Variants in CTNNA3 observed in about 807,000 individuals in gnomAD.
The protein encoded by CTNNA3 is catenin alpha-3.
A neutral mutation model predicts 95.7 loss-of-function variants in CTNNA3; 76 were observed. That is an observed-to-expected ratio of 0.79 (90% confidence interval 0.66 to 0.96). CTNNA3 has a LOEUF of 0.96. Ranked by LOEUF, CTNNA3 falls within the 40% of genes least tolerant of loss-of-function variation. CTNNA3 has a pLI of 0.00. For synonymous variants in CTNNA3, 431 were observed against 374.4 expected, an observed-to-expected ratio of 1.15 and a Z score of -1.74; for missense variants, 1,191 against 1,089.8, an observed-to-expected ratio of 1.09 and a Z score of -1.31.
upstream of CTNNA3, among the ~76,000 whole-genome samples, chr10:67,697,758 T>A (rs1002256466): frequency 6.6e-6 from 1 of 151,080 alleles, no homozygotes; most frequent in African/African-American, 2.4e-5. Flanking sequence ...GGTTTTTTTT[T>A]AATTCCTTCA....
At chr10:66,576,412 T>A (rs1843004018) in intron 10 of CTNNA3, among the ~76,000 whole-genome samples, 1 of 152,024 alleles carries the variant, frequency 6.6e-6, no homozygotes, top group African/African-American at 2.4e-5. Flanking sequence ...GCTTGATGTA[T>A]GAATGAGCCC....
chr10:66,248,081 A>G, intron 13 of CTNNA3, among the ~76,000 whole-genome samples: 1 of 152,182 alleles, frequency 6.6e-6, no homozygotes, highest in Non-Finnish European at 1.5e-5. Context: ...ATACATAAAA[A>G]CATAAAAAGT....
chr10:66,735,929 T>C (rs1220872094), intron 9 of CTNNA3, among the ~76,000 whole-genome samples: 1 of 152,178 alleles, frequency 6.6e-6, no homozygotes, highest in Non-Finnish European at 1.5e-5. Flanking sequence ...GAGCATTCCA[T>C]GTGTCCCTCT....
intron 5 of CTNNA3, among the ~76,000 whole-genome samples, chr10:67,371,598 T>A (rs1843468451): frequency 6.6e-6 from 1 of 152,204 alleles, no homozygotes; most frequent in African/African-American, 2.4e-5. Context: ...ATGGTGTATA[T>A]GTGCCACATT....
chr10:67,749,598 G>C (rs1564845970), intron 1 of CTNNA3, among the ~76,000 whole-genome samples: 1 of 152,172 alleles, frequency 6.6e-6, no homozygotes, highest in Non-Finnish European at 1.5e-5. Flanking sequence ...ACATCAAGAA[G>C]CTATTTGAAA....
At chr10:67,114,709 G>GGTGT (rs56772381) in intron 7 of CTNNA3, among the ~76,000 whole-genome samples, 2,496 of 144,820 alleles carry the variant, frequency 0.017, 39 homozygotes, top group East Asian at 0.065. Context: ...GGTTCTTAAA[G>GGTGT]GTGTGTGTGT....
At chr10:67,630,456 A>G (rs1839106604) in intron 2 of CTNNA3, among the ~76,000 whole-genome samples, 2 of 152,198 alleles carry the variant, frequency 1.3e-5, no homozygotes, top group Non-Finnish European at 2.9e-5. Context: ...GCCTGTCTCA[A>G]GCAGAAACCC....
intron 1 of CTNNA3, among the ~76,000 whole-genome samples, chr10:67,705,859 A>C: frequency 6.6e-6 from 1 of 152,062 alleles, no homozygotes; most frequent in East Asian, 1.9e-4. Context: ...TAACCGACAT[A>C]CAGGTTCAGT....
intron 7 of CTNNA3, chr10:66,928,032 C>T: frequency 1.9e-6 from 3 of 1,614,080 alleles, no homozygotes; most frequent in Non-Finnish European, 2.5e-6. Flanking sequence ...TTGATCTGGC[C>T]AGGGCTCTCC....
chr10:66,521,676 C>A (rs947724358), intron 10 of CTNNA3, among the ~76,000 whole-genome samples: 47 of 152,116 alleles, frequency 3.1e-4, no homozygotes, highest in African/African-American at 9.2e-4. Context: ...TTCTTTGGCC[C>A]TCCAGGAAGT....
intron 5 of CTNNA3, among the ~76,000 whole-genome samples, chr10:67,358,825 T>C (rs1195482757): frequency 6.6e-6 from 1 of 152,014 alleles, no homozygotes; most frequent in Non-Finnish European, 1.5e-5. Context: ...GCTAAGGAAA[T>C]GCAGGCACTG....
At chr10:66,582,847 A>T (rs1041611033) in intron 10 of CTNNA3, among the ~76,000 whole-genome samples, 1 of 151,826 alleles carries the variant, frequency 6.6e-6, no homozygotes, top group African/African-American at 2.4e-5. Flanking sequence ...TTTATCATAA[A>T]GTCATGCTGG....
intron 9 of CTNNA3, among the ~76,000 whole-genome samples, chr10:66,730,791 AT>A (rs909799889): frequency 6.6e-6 from 1 of 152,126 alleles, no homozygotes; most frequent in Non-Finnish European, 1.5e-5. Flanking sequence ...CTCATTTGCA[AT>A]TGTTATGTGA....
At chr10:65,982,247 A>G (rs2078334977) in intron 16 of CTNNA3, among the ~76,000 whole-genome samples, 1 of 151,810 alleles carries the variant, frequency 6.6e-6, no homozygotes, top group South Asian at 2.1e-4. Context: ...TATGAAAAAA[A>G]TGTTCAACTC....
intron 7 of CTNNA3, among the ~76,000 whole-genome samples, chr10:66,776,196 T>C (rs1045726217): frequency 6.6e-6 from 1 of 152,210 alleles, no homozygotes; most frequent in African/African-American, 2.4e-5. Context: ...TGGTATTTTC[T>C]ACATATTATT....
At chr10:66,516,137 A>G (rs1840849716) in intron 11 of CTNNA3, among the ~76,000 whole-genome samples, 3 of 151,556 alleles carry the variant, frequency 2.0e-5, no homozygotes, top group Admixed American at 1.3e-4. Context: ...GGCTGGTACA[A>G]AAAAGATCTA....
intron 9 of CTNNA3, among the ~76,000 whole-genome samples, chr10:66,685,636 T>G (rs1482445360): frequency 4.0e-5 from 6 of 151,370 alleles, no homozygotes; most frequent in African/African-American, 1.5e-4. Flanking sequence ...CCTCCCAAAG[T>G]GCTGGGATTA....
intron 11 of CTNNA3, among the ~76,000 whole-genome samples, chr10:66,411,610 A>G (rs2093106155): frequency 6.6e-6 from 1 of 152,174 alleles, no homozygotes; most frequent in African/African-American, 2.4e-5. Context: ...TGAACATGAA[A>G]GACAAAGTTC....
At chr10:67,740,357 C>T (rs1261292631) in intron 1 of CTNNA3, among the ~76,000 whole-genome samples, 2 of 151,756 alleles carry the variant, frequency 1.3e-5, no homozygotes, top group African/African-American at 4.8e-5. Context: ...AAACTACCAT[C>T]AGAGTGAACA....
Sources: allele counts gnomAD v4.1 joint callset (sites outside exome capture counted in the v4.1 genomes callset), GRCh38; gene constraint gnomAD v4.1.1; transcripts MANE v1.5; gene names NCBI Gene and HGNC (gene_info 2026-07-23, HGNC 2026-07-21).